Variants in FAM169A observed in about 807,000 individuals in gnomAD.
FAM169A encodes soluble lamin-associated protein of 75 kDa.
Under a neutral mutation model 75.7 loss-of-function variants are expected in FAM169A, and 24 were observed. That is an observed-to-expected ratio of 0.32 (90% confidence interval 0.23 to 0.45). FAM169A has a LOEUF of 0.45. FAM169A is among the 20% of genes least tolerant of loss of function. The pLI, the probability that FAM169A is intolerant of heterozygous loss-of-function variation, is 1.00. For missense variants in FAM169A, 673 were observed against 784.0 expected (o/e 0.86, Z 1.69); for synonymous variants, 271 against 271.0 (o/e 1.00, Z 0.00).
At chr5:74,851,125 G>T (rs1297166626) in intron 1 of FAM169A, among the ~76,000 whole-genome samples, 2 of 152,194 alleles carry the variant, frequency 1.3e-5, no homozygotes, top group African/African-American at 4.8e-5. Context: ...AAGTCTGGAA[G>T]GATACATTAT....
At chr5:74,825,384 T>C (rs1296469551) in intron 5 of FAM169A, among the ~76,000 whole-genome samples, 2 of 152,222 alleles carry the variant, frequency 1.3e-5, no homozygotes, top group African/African-American at 4.8e-5. Flanking sequence ...CATTGAGCTC[T>C]TAAAATGTGG....
chr5:74,815,083 G>A (rs1747399417), intron 5 of FAM169A, among the ~76,000 whole-genome samples: 1 of 151,900 alleles, frequency 6.6e-6, no homozygotes, highest in Admixed American at 6.6e-5. Context: ...TGACTGAATT[G>A]GATTACTTAC....
At chr5:74,865,508 C>A (rs948253419) in intron 1 of FAM169A, 1 of 152,128 alleles carries the variant, frequency 6.6e-6, no homozygotes, top group Admixed American at 6.5e-5. Flanking sequence ...TCCAGACCCC[C>A]GAGCCATAAA....
intron 10 of FAM169A, chr5:74,799,828 G>A: frequency 9.4e-7 from 1 of 1,066,292 alleles, no homozygotes; most frequent in Non-Finnish European, 1.5e-6. Context: ...GACCGTGGCT[G>A]CCTGACCTTT....
chr5:74,794,288 G>A (rs1049948396), intron 11 of FAM169A, among the ~76,000 whole-genome samples: 6 of 151,098 alleles, frequency 4.0e-5, no homozygotes, highest in Non-Finnish European at 7.4e-5. Context: ...CAGCTACTCA[G>A]GAGGCTGAGG....
chr5:74,857,823 A>G (rs1289046719), intron 1 of FAM169A, among the ~76,000 whole-genome samples: 2 of 152,056 alleles, frequency 1.3e-5, no homozygotes, highest in Non-Finnish European at 2.9e-5. Flanking sequence ...GAGACAGGAG[A>G]AACTTCTCTC....
At chr5:74,794,205 T>A (rs924460287) in intron 11 of FAM169A, among the ~76,000 whole-genome samples, 2 of 147,304 alleles carry the variant, frequency 1.4e-5, no homozygotes, top group African/African-American at 5.0e-5. Context: ...CCATCCTGGC[T>A]AACACGGTGA....
rs1029176616 is a variant in FAM169A at position 74,780,644 on chromosome 5, G to C, written c.*816C>G. 1 of 152,152 alleles carries C rather than the reference G, an allele frequency of 6.6e-6. No homozygotes were observed. Among genetic ancestry groups the C allele is most frequent in the Non-Finnish European group, 1.5e-5 (1 of 68,020 alleles). 9.4% of individuals were successfully genotyped at this position (152,152 alleles called of 1,614,324 possible). Reference sequence around the variant, plus strand: ...TAAACCATGTCTCCAAAGTATAGTTGTGATTTTTACCTGATTAAAGGTGAA... The same window carrying C: ...TAAACCATGTCTCCAAAGTATAGTTCTGATTTTTACCTGATTAAAGGTGAA... On this transcript the variant is annotated 3_prime_UTR_variant, in exon 13 of 13. Coordinates refer to ENST00000687041, the MANE Select transcript of FAM169A (RefSeq NM_001376049.1).
At chr5:74,792,072 G>C (rs1296767432) in intron 11 of FAM169A, among the ~76,000 whole-genome samples, 1 of 152,028 alleles carries the variant, frequency 6.6e-6, no homozygotes, top group Non-Finnish European at 1.5e-5. Context: ...TTGGGTTGGG[G>C]GTTTCCACTT....
intron 5 of FAM169A, among the ~76,000 whole-genome samples, chr5:74,824,338 T>C (rs1045664702): frequency 1.3e-5 from 2 of 152,298 alleles, no homozygotes; most frequent in Middle Eastern, 3.4e-3. Context: ...AAATACGGTA[T>C]GCTATTTACA....
At position 74,786,717 on chromosome 5, in the gene FAM169A, G is replaced by A. The variant is rs138805832; in HGVS notation, c.1261-3583C>T. Among the ~76,000 whole-genome samples the A allele has an allele frequency of 1.2e-4, 18 of 152,324 alleles. No individual in the cohort carries two copies. The East Asian group carries it at 3.3e-3, about 28-fold the overall frequency. ...CTCGCTTTAAAAGCCCCAAGTGAGAGTCTTATCTCCTGTAGACAAAGAGCT... is the reference window on the plus strand; with the variant it reads ...CTCGCTTTAAAAGCCCCAAGTGAGAATCTTATCTCCTGTAGACAAAGAGCT... On this transcript the variant is annotated intron_variant, in intron 11 of 12. Coordinates refer to ENST00000687041, the MANE Select transcript of FAM169A (RefSeq NM_001376049.1).
intron 12 of FAM169A, among the ~76,000 whole-genome samples, chr5:74,782,409 C>G (rs568831017): frequency 5.9e-5 from 9 of 152,272 alleles, no homozygotes; most frequent in African/African-American, 2.2e-4. Context: ...ACTACGATTT[C>G]ATTAGATAAG....
At chr5:74,790,597 G>C (rs181041210) in intron 11 of FAM169A, among the ~76,000 whole-genome samples, 1 of 152,134 alleles carries the variant, frequency 6.6e-6, no homozygotes, top group Admixed American at 6.5e-5. Context: ...TTTAATAATC[G>C]AGTGGATAGG....
intron 1 of FAM169A, among the ~76,000 whole-genome samples, chr5:74,844,757 C>T (rs1055527640): frequency 2.0e-4 from 31 of 152,164 alleles, no homozygotes; most frequent in African/African-American, 7.5e-4. Flanking sequence ...GTGGAGTGTA[C>T]GGTGAGCCAA....
At chr5:74,862,455 T>C (rs1750087405) in intron 1 of FAM169A, among the ~76,000 whole-genome samples, 1 of 152,168 alleles carries the variant, frequency 6.6e-6, no homozygotes, top group African/African-American at 2.4e-5. Flanking sequence ...TTCTCACTCA[T>C]CCATTGTTCA....
At chr5:74,819,778 T>C (rs545346242) in intron 5 of FAM169A, among the ~76,000 whole-genome samples, 1 of 152,256 alleles carries the variant, frequency 6.6e-6, no homozygotes, top group South Asian at 2.1e-4. Context: ...AAAAATGTTA[T>C]GCTAAACAAA....
intron 1 of FAM169A, among the ~76,000 whole-genome samples, chr5:74,844,342 G>A (rs950628153): frequency 6.6e-6 from 1 of 151,974 alleles, no homozygotes; most frequent in Non-Finnish European, 1.5e-5. Context: ...TGCACCTGTA[G>A]TCCCAGCTAC....
rs566518673 is a variant in FAM169A, at chr5:74,834,193, G to C, written c.490+233C>G. Reference sequence around the variant, plus strand: ...GTACAACTGTGTCTCCATATATATGGAGAAATCTTCTTCGGGATCAAATGT... The same window carrying C: ...GTACAACTGTGTCTCCATATATATGCAGAAATCTTCTTCGGGATCAAATGT... On this transcript the variant is annotated intron_variant, in intron 5 of 12. Coordinates refer to ENST00000687041, the MANE Select transcript of FAM169A (RefSeq NM_001376049.1). Among the ~76,000 whole-genome samples, 23 of 152,216 alleles carry C rather than the reference G, an allele frequency of 1.5e-4. No homozygotes were observed. In the South Asian group the frequency reaches 4.2e-3, roughly 27 times the overall value.
chr5:74,799,580 C>A, intron 10 of FAM169A: 1 of 1,486,916 alleles, frequency 6.7e-7, no homozygotes, highest in Non-Finnish European at 9.4e-7. Context: ...CAGCTGATGT[C>A]AGAGTCTGGT....
Sources: allele counts gnomAD v4.1 joint callset (sites outside exome capture counted in the v4.1 genomes callset), GRCh38; gene constraint gnomAD v4.1.1; transcripts MANE v1.5; gene names NCBI Gene and HGNC (gene_info 2026-07-23, HGNC 2026-07-21).